The following B3GALNT2 variants were observed in gnomAD, a reference collection of about 807,000 sequenced individuals.
B3GALNT2 encodes beta-1,3-N-acetylgalactosaminyltransferase 2.
Under a neutral mutation model 61.1 loss-of-function variants are expected in B3GALNT2, and 53 were observed. The observed-to-expected ratio is 0.87, with a 90% CI of 0.70 to 1.09. The LOEUF (loss-of-function observed/expected upper bound fraction) is 1.09. B3GALNT2 is among the 50% of genes least tolerant of loss of function. The probability of loss-of-function intolerance (pLI) is 0.00; values close to 1 mark genes in which losing one functional copy is unlikely to be tolerated. For synonymous variants in B3GALNT2, 223 were observed against 237.4 expected, an observed-to-expected ratio of 0.94 and a Z score of 0.56; for missense variants, 544 against 623.0, an observed-to-expected ratio of 0.87 and a Z score of 1.35.
chr1:235,474,987 A>ATATATATATATT (rs1180244284), intron 5 of B3GALNT2, among the ~76,000 whole-genome samples: 3 of 35,574 alleles, frequency 8.4e-5, no homozygotes, highest in Non-Finnish European at 1.5e-4. Flanking sequence ...ATATATATAT[A>ATATATATATATT]TTTTTTTTTT....
downstream of B3GALNT2, chr1:235,442,820 T>C: frequency 6.2e-7 from 1 of 1,600,362 alleles, no homozygotes; most frequent in Non-Finnish European, 8.6e-7. Flanking sequence ...ATAGTAGATA[T>C]CAATTAGTCT....
intron 7 of B3GALNT2, among the ~76,000 whole-genome samples, chr1:235,461,507 G>GTTTTTTT (rs57611133): frequency 4.7e-5 from 3 of 63,352 alleles, no homozygotes; most frequent in Admixed American, 2.4e-4. Context: ...ATGACCTCCT[G>GTTTTTTT]TTTTTTTTTT....
intron 1 of B3GALNT2, 78 bp downstream of exon 1, chr1:235,504,063 C>A: frequency 8.4e-7 from 1 of 1,195,984 alleles, no homozygotes; most frequent in Non-Finnish European, 1.0e-6. Context: ...CCAACAATTC[C>A]CGGCGAAGCC....
intron 11 of B3GALNT2, chr1:235,452,179 A>G (rs913436235): frequency 1.3e-5 from 2 of 151,750 alleles, no homozygotes; most frequent in African/African-American, 4.8e-5. Context: ...TGCCTGGCTA[A>G]TTTTTTTTGT....
In B3GALNT2 at chr1:235,504,065, G is replaced by A. The variant is rs1281880988; in HGVS notation, c.112+76C>T. 1.0e-5 allele frequency: 12 copies of A among 1,190,364 alleles called. No homozygotes were observed. The South Asian group carries it at 1.3e-4, about 13-fold the overall frequency. 73.7% of individuals were successfully genotyped at this position (1,190,364 alleles called of 1,614,324 possible). ...CCTTCCCCCGCCTCCAACAATTCCC[G>A]GCGAAGCCCCGCGGCACCAAGCCGG... On this transcript the variant is annotated intron_variant, in intron 1 of 11. Transcript: ENST00000366600.
chr1:235,441,535 T>G, the B3GALNT2 span: 3 of 470,368 alleles, frequency 6.4e-6, no homozygotes, highest in Admixed American at 3.5e-5. Flanking sequence ...GTAAACATGT[T>G]GCTTTTCATT....
At chr1:235,491,896 A>C (rs552393132) in intron 2 of B3GALNT2, among the ~76,000 whole-genome samples, 2 of 151,816 alleles carry the variant, frequency 1.3e-5, no homozygotes, top group Non-Finnish European at 2.9e-5. Context: ...CCCTTCCCCC[A>C]CCACCACAAG....
intron 8 of B3GALNT2, among the ~76,000 whole-genome samples, chr1:235,457,499 GAT>G (rs1339360937): frequency 6.6e-6 from 1 of 152,060 alleles, no homozygotes; most frequent in Admixed American, 6.5e-5. Flanking sequence ...AGATTATATA[GAT>G]ATATAATATG....
intron 2 of B3GALNT2, among the ~76,000 whole-genome samples, chr1:235,490,112 GCTCT>G (rs1446671587): frequency 6.6e-6 from 1 of 152,032 alleles, no homozygotes; most frequent in Non-Finnish European, 1.5e-5. Context: ...TTAGTCTAGG[GCTCT>G]GCCTTTGGGT....
chr1:235,477,065 A>G (rs1684323876), intron 5 of B3GALNT2, among the ~76,000 whole-genome samples: 3 of 152,052 alleles, frequency 2.0e-5, no homozygotes, highest in African/African-American at 7.2e-5. Context: ...AGGGGAAAAA[A>G]AAGTCTTAAT....
chr1:235,495,048 T>C (rs2102863743), intron 1 of B3GALNT2, among the ~76,000 whole-genome samples: 1 of 152,344 alleles, frequency 6.6e-6, no homozygotes, highest in Non-Finnish European at 1.5e-5. Flanking sequence ...TATATGTATG[T>C]ATTCATGCTC....
rs1348200373 is a variant in B3GALNT2 at position 235,449,820 on chromosome 1, GGTTGAAATTCAAACTC to G, written c.*370_*385del. 3.4e-5 allele frequency: 6 copies of G among 175,556 alleles called. No homozygotes were observed. The allele number at this position is 175,556 out of a possible 1,614,324, so 10.9% of individuals were successfully genotyped here. On this transcript the variant is annotated 3_prime_UTR_variant, in exon 12 of 12. Coordinates refer to ENST00000366600, the MANE Select transcript of B3GALNT2 (RefSeq NM_152490.5). The stretch of plus-strand genomic sequence containing the variant: ...CTCTACAGAGCTATCCTGCAATCCA[GGTTGAAATTCAAACTC>G]TCAGTTACTACTACAGATTTCTGAA...
intron 9 of B3GALNT2, among the ~76,000 whole-genome samples, chr1:235,454,629 A>G (rs1274918982): frequency 6.6e-6 from 1 of 151,358 alleles, no homozygotes; most frequent in Non-Finnish European, 1.5e-5. Flanking sequence ...TAGTAGAGAC[A>G]GGGTTTTGCC....
the B3GALNT2 span, chr1:235,441,867 A>C: frequency 1.2e-6 from 2 of 1,614,004 alleles, no homozygotes; most frequent in Non-Finnish European, 1.7e-6. Context: ...ACTTATGCTG[A>C]AAAACCAGCT....
Position 235,474,981 on chromosome 1 carries a change from A to ATTTT in B3GALNT2, c.652-4022_652-4021insAAAA, listed in dbSNP as rs1558425458. Among the ~76,000 whole-genome samples the ATTTT allele has an allele frequency of 2.7e-4, 10 of 37,472 alleles. 1 individual carries two copies. Among genetic ancestry groups the ATTTT allele is most frequent in the Non-Finnish European group, 2.6e-4 (6 of 23,174 alleles). The allele number at this position is 37,472 out of a possible 152,430, so 24.6% of individuals were successfully genotyped here. ...TATATATATATATATATATATATAT[A>ATTTT]TATATATTTTTTTTTTTTTTTTTTT... On this transcript the variant is annotated intron_variant, in intron 5 of 11. Coordinates refer to ENST00000366600, the MANE Select transcript of B3GALNT2 (RefSeq NM_152490.5).
intron 1 of B3GALNT2, among the ~76,000 whole-genome samples, chr1:235,503,097 T>C (rs921993857): frequency 6.6e-6 from 1 of 152,264 alleles, no homozygotes; most frequent in Non-Finnish European, 1.5e-5. Context: ...GTTTTGAGGA[T>C]TGCCGAATAC....
At chr1:235,496,358 A>G (rs1390166318) in intron 1 of B3GALNT2, 9 of 969,896 alleles carry the variant, frequency 9.3e-6, no homozygotes, top group East Asian at 2.1e-4. Flanking sequence ...GGTATTTATT[A>G]TTTCACTCTA....
chr1:235,488,188 T>C (rs1401458919), intron 3 of B3GALNT2, among the ~76,000 whole-genome samples: 1 of 152,224 alleles, frequency 6.6e-6, no homozygotes, highest in African/African-American at 2.4e-5. Context: ...TGATTCATAA[T>C]ATTTGTTTCT....
chr1:235,494,205 T>C (rs1311234269), intron 2 of B3GALNT2, among the ~76,000 whole-genome samples: 1 of 152,236 alleles, frequency 6.6e-6, no homozygotes, highest in Non-Finnish European at 1.5e-5. Context: ...AGAACTGCTC[T>C]AGAACAGAAC....
Sources: allele counts gnomAD v4.1 joint callset (sites outside exome capture counted in the v4.1 genomes callset), GRCh38; gene constraint gnomAD v4.1.1; transcripts MANE v1.5; gene names NCBI Gene and HGNC (gene_info 2026-07-23, HGNC 2026-07-21).